Variants in NTN1 observed in about 807,000 individuals in gnomAD.
The protein encoded by NTN1 is netrin 1.
In NTN1, 11 loss-of-function variants were observed where a neutral mutation model predicts 54.2. That is an observed-to-expected ratio of 0.20 (90% CI 0.13 to 0.34). The LOEUF (loss-of-function observed/expected upper bound fraction) is 0.34, where lower values mean the gene tolerates loss of function less well. NTN1 is among the 10% of genes least tolerant of loss of function. NTN1 has a pLI of 1.00. For synonymous variants in NTN1, 371 were observed against 382.0 expected, an observed-to-expected ratio of 0.97 and a Z score of 0.33; for missense variants, 740 against 893.1, an observed-to-expected ratio of 0.83 and a Z score of 2.18.
intron 2 of NTN1, among the ~76,000 whole-genome samples, chr17:9,047,862 T>C (rs1202607001): frequency 1.3e-5 from 2 of 151,936 alleles, no homozygotes; most frequent in Admixed American, 1.3e-4. Context: ...GCCTGGCTAA[T>C]TTTTTGTATT....
At chr17:9,236,343 ACAG>A (rs1470811826) in intron 6 of NTN1, among the ~76,000 whole-genome samples, 2 of 152,184 alleles carry the variant, frequency 1.3e-5, no homozygotes, top group Non-Finnish European at 2.9e-5. Context: ...GTCGGAGGTG[ACAG>A]CAGCCTGGTG....
chr17:9,193,931 A>AC (rs1555574979), intron 5 of NTN1, among the ~76,000 whole-genome samples: 2 of 123,398 alleles, frequency 1.6e-5, no homozygotes, highest in Admixed American at 1.6e-4. Flanking sequence ...AAAAAAAAAA[A>AC]AAAAAAAAAA....
intron 2 of NTN1, among the ~76,000 whole-genome samples, chr17:9,094,076 T>G (rs1416372915): frequency 6.6e-6 from 1 of 152,218 alleles, no homozygotes; most frequent in Non-Finnish European, 1.5e-5. Flanking sequence ...TTATATACAC[T>G]TCTGTTTTAC....
intron 2 of NTN1, among the ~76,000 whole-genome samples, chr17:9,027,729 T>A (rs2091875919): frequency 6.6e-6 from 1 of 152,230 alleles, no homozygotes; most frequent in East Asian, 1.9e-4. Flanking sequence ...TCTTTTATCT[T>A]AGCCATCAGG....
At position 9,165,323 on chromosome 17, in the gene NTN1, G is replaced by C. The variant is rs59744921; in HGVS notation, c.1207+2322G>C. Among the ~76,000 whole-genome samples the C allele has an allele frequency of 6.3e-4, 96 of 152,310 alleles. No individual in the cohort carries two copies. Among genetic ancestry groups the C allele is most frequent in the African/African-American group, 2.3e-3 (94 of 41,560 alleles). On this transcript the variant is annotated intron_variant, in intron 3 of 6. Transcript: ENST00000173229. This position sits in a 1 kb window ranked among gnomAD's most constrained non-coding sequence, Gnocchi z 4.5. ...CCTCTCACCACTCAGAGTGAGAGAC[G>C]TCAGGAAGCCACAGGGTCCCGGGAA...
At chr17:9,215,268 C>CAT (rs919110107) in intron 5 of NTN1, among the ~76,000 whole-genome samples, 1 of 133,724 alleles carries the variant, frequency 7.5e-6, no homozygotes, top group African/African-American at 2.9e-5. Flanking sequence ...CACACACACA[C>CAT]ACACACACAC....
intron 6 of NTN1, among the ~76,000 whole-genome samples, chr17:9,226,806 A>C (rs1242282969): frequency 6.6e-6 from 1 of 151,940 alleles, no homozygotes; most frequent in African/African-American, 2.4e-5. Context: ...GTGCGTGCTC[A>C]CCACACAGTT....
chr17:9,145,229 A>G (rs2092310111), intron 2 of NTN1, among the ~76,000 whole-genome samples: 1 of 152,240 alleles, frequency 6.6e-6, no homozygotes, highest in African/African-American at 2.4e-5. Flanking sequence ...ACCAGGGCCA[A>G]GAAATGTGGG....
At chr17:9,233,026 A>C (rs1415044754) in intron 6 of NTN1, among the ~76,000 whole-genome samples, 5 of 152,018 alleles carry the variant, frequency 3.3e-5, no homozygotes, top group Non-Finnish European at 4.4e-5. Context: ...GATGGGTGAC[A>C]AGCCTCCCCT....
chr17:9,193,636 T>C (rs1904526612), intron 5 of NTN1, among the ~76,000 whole-genome samples: 1 of 152,154 alleles, frequency 6.6e-6, no homozygotes, highest in South Asian at 2.1e-4. Context: ...ATTAAAACAT[T>C]ATGCGGCTGG....
rs187609011 is a variant in NTN1 at position 9,153,737 on chromosome 17, G to T, written c.1019-9076G>T. On this transcript the variant is annotated intron_variant, in intron 2 of 6. Coordinates refer to ENST00000173229, the MANE Select transcript of NTN1 (RefSeq NM_004822.3). ...TGTTTGTTGAATGAAGCAACGAACG[G>T]GCAGTCAGGTAGAAGCGGGTCCTGT... Among the ~76,000 whole-genome samples, 3 of 152,210 alleles carry T rather than the reference G, an allele frequency of 2.0e-5. No homozygotes were observed. The South Asian group carries it at 6.2e-4, about 32-fold the overall frequency.
chr17:9,182,899 T>G lies in NTN1; in HGVS notation c.1358-17T>G, dbSNP rs770724489. On this transcript the variant is annotated splice_polypyrimidine_tract_variant and intron_variant, in intron 4 of 6. Transcript: ENST00000173229. The stretch of plus-strand genomic sequence containing the variant: ...GTTTTCTCTCCTCCCCTCGCCCCCG[T>G]CTTGAACCTCACAAAGAGATCCCTG... 2 of 1,613,924 alleles carry G rather than the reference T, an allele frequency of 1.2e-6. No homozygotes were observed. Among genetic ancestry groups the G allele is most frequent in the Non-Finnish European group, 1.7e-6 (2 of 1,179,856 alleles).
At chr17:9,069,431 C>A (rs895993190) in intron 2 of NTN1, among the ~76,000 whole-genome samples, 6 of 152,138 alleles carry the variant, frequency 3.9e-5, no homozygotes, top group African/African-American at 1.4e-4. Context: ...TTTCTCATTT[C>A]GTATTTCGTA....
Position 9,221,360 on chromosome 17 carries a change from A to AT in NTN1, c.1486+119dup. 1 of 793,556 alleles carries AT rather than the reference A, an allele frequency of 1.3e-6. No individual in the cohort carries two copies. The allele number at this position is 793,556 out of a possible 1,614,324, so 49.2% of individuals were successfully genotyped here. On this transcript the variant is annotated intron_variant, in intron 6 of 6. Transcript: ENST00000173229. The surrounding 1 kb of genome is among the most constrained non-coding windows in gnomAD (Gnocchi z 4.5). ...GTTGGTCGTGAAGACCCTGTGACCG[A>AT]TGGGAACTAGCCGGACGGATCCCAC...
intron 2 of NTN1, among the ~76,000 whole-genome samples, chr17:9,079,034 C>T (rs1370817943): frequency 1.3e-5 from 2 of 152,254 alleles, no homozygotes. Context: ...CAGCCTCTCC[C>T]TCTACTCCAC....
intron 5 of NTN1, among the ~76,000 whole-genome samples, chr17:9,209,964 G>A (rs946461586): frequency 6.6e-6 from 1 of 152,096 alleles, no homozygotes; most frequent in Non-Finnish European, 1.5e-5. Flanking sequence ...GAGAGCAAAA[G>A]CCAGCCTCTG....
chr17:9,135,926 G>T lies in NTN1; in HGVS notation c.1019-26887G>T, dbSNP rs773264092. Among the ~76,000 whole-genome samples the T allele has an allele frequency of 1.3e-5, 2 of 152,134 alleles. No homozygotes were observed. The highest frequency in any genetic ancestry group is 6.5e-5 in the Admixed American group (1 of 15,282). On this transcript the variant is annotated intron_variant, in intron 2 of 6. Coordinates refer to ENST00000173229, the MANE Select transcript of NTN1 (RefSeq NM_004822.3). This position sits in a 1 kb window ranked among gnomAD's most constrained non-coding sequence, Gnocchi z 4.4. ...CAGCATGAACACTGCCACCCCAAAC[G>T]TGTCTGTGTGCGCACGCTCACTCAT...
At chr17:9,150,578 A>G (rs1248488445) in intron 2 of NTN1, among the ~76,000 whole-genome samples, 1 of 152,222 alleles carries the variant, frequency 6.6e-6, no homozygotes, top group Non-Finnish European at 1.5e-5. Context: ...CTCAGGGCTT[A>G]CCAAAGCCTG....
intron 5 of NTN1, among the ~76,000 whole-genome samples, chr17:9,218,556 G>T (rs1567742215): frequency 6.6e-6 from 1 of 152,164 alleles, no homozygotes; most frequent in Non-Finnish European, 1.5e-5. Context: ...GGAGAGAAGA[G>T]CTGTAGAGGT....
Sources: gnomAD v4.1 joint callset for allele counts (sites outside exome capture counted in the v4.1 genomes callset) on GRCh38, gnomAD v4.1.1 for gene constraint, Gnocchi (gnomAD v3.1) non-coding constraint, MANE v1.5 for transcripts, NCBI Gene and HGNC (gene_info 2026-07-23, HGNC 2026-07-21) for gene names.